The following ADGRF5 variants were observed in gnomAD, a reference collection of about 807,000 sequenced individuals.
ADGRF5 encodes adhesion G protein-coupled receptor F5.
A neutral mutation model predicts 132.3 loss-of-function variants in ADGRF5; 75 were observed. That is an observed-to-expected ratio of 0.57 (90% CI 0.47 to 0.69). ADGRF5 has a LOEUF of 0.69. Ranked by LOEUF, ADGRF5 falls within the 30% of genes least tolerant of loss-of-function variation. ADGRF5 has a pLI of 0.00. For missense variants in ADGRF5, 1,516 were observed against 1,630.6 expected (o/e 0.93, Z 1.21); for synonymous variants, 629 against 597.6 (o/e 1.05, Z -0.77).
chr6:46,856,312 C>A (rs1453449488), intron 19 of ADGRF5, among the ~76,000 whole-genome samples: 1 of 152,188 alleles, frequency 6.6e-6, no homozygotes, highest in Admixed American at 6.5e-5. Context: ...TATCCAAGGG[C>A]AATAGTTGTG....
intron 10 of ADGRF5, among the ~76,000 whole-genome samples, chr6:46,873,679 A>G (rs1771337394): frequency 6.6e-6 from 1 of 151,878 alleles, no homozygotes; most frequent in Non-Finnish European, 1.5e-5. Flanking sequence ...CTCCCACTCT[A>G]TTTCTAAGAG....
chr6:46,858,840 GC>G lies in ADGRF5; in HGVS notation c.3062del (p.Gly1021AlafsTer5), dbSNP rs778848305. 20 of 1,613,968 alleles carry G rather than the reference GC, an allele frequency of 1.2e-5. No homozygotes were observed. Among genetic ancestry groups the G allele is most frequent in the Non-Finnish European group, 1.4e-5 (17 of 1,179,946 alleles). On this transcript the variant is annotated frameshift_variant, in exon 17 of 21. Coordinates refer to ENST00000283296, the MANE Select transcript of ADGRF5 (RefSeq NM_001098518.2). LOFTEE classifies it high-confidence loss of function. Reference sequence around the variant, plus strand: ...AGGCTGCCAAGCTCAAGATGGAAAAGCCCACCCCAACATAAGAAATAATATC... The same window carrying G: ...AGGCTGCCAAGCTCAAGATGGAAAAGCCACCCCAACATAAGAAATAATATC... ...LLDIISYVGVGFSILSLAACL... is the reference protein window; with the variant it reads ...LLDIISYVGVXFSILSLAACL...
At position 46,906,786 on chromosome 6, in the gene ADGRF5, C is replaced by A; in HGVS notation, c.-24G>T. ...ATGTCTTCAAGTTTGAGTTGGTTGGCCTGAAATGGAAATATGATGGTTTAG... is the reference window on the plus strand; with the variant it reads ...ATGTCTTCAAGTTTGAGTTGGTTGGACTGAAATGGAAATATGATGGTTTAG... On this transcript the variant is annotated splice_region_variant and 5_prime_UTR_variant, in exon 2 of 21. Transcript: ENST00000283296. 1 of 1,243,906 alleles carries A rather than the reference C, an allele frequency of 8.0e-7. No homozygotes were observed. The allele number at this position is 1,243,906 out of a possible 1,614,324, so 77.1% of individuals were successfully genotyped here. A position where few individuals can be genotyped will look rare whatever the true frequency, so the allele number is the denominator to read the frequency against.
intron 3 of ADGRF5, among the ~76,000 whole-genome samples, chr6:46,891,203 A>G (rs1333400165): frequency 6.6e-6 from 1 of 152,122 alleles, no homozygotes; most frequent in Non-Finnish European, 1.5e-5. Context: ...GCGGAAACTC[A>G]GCCTGTGATG....
intron 3 of ADGRF5, among the ~76,000 whole-genome samples, chr6:46,899,713 T>C (rs1466883412): frequency 2.0e-5 from 3 of 151,594 alleles, no homozygotes; most frequent in Non-Finnish European, 2.9e-5. Flanking sequence ...GGCTTCTGGA[T>C]GGTGGGCAGA....
chr6:46,944,252 G>A (rs181848080), intron 1 of ADGRF5, among the ~76,000 whole-genome samples: 56 of 152,214 alleles, frequency 3.7e-4, no homozygotes, highest in African/African-American at 1.3e-3. Flanking sequence ...TAGATCCTTC[G>A]CATGCACAGT....
chr6:46,856,876 C>A lies in ADGRF5; in HGVS notation c.3807G>T (p.Trp1269Cys). The A allele has an allele frequency of 6.2e-7, 1 of 1,610,114 alleles. No homozygotes were observed. The highest frequency in any genetic ancestry group is 1.7e-5 in the Admixed American group (1 of 60,002). The change falls in exon 18 of 21, where the codon TGG (tryptophan) becomes TGT (cysteine). Residue 1269 changes from tryptophan to cysteine, a missense_variant. Transcript: ENST00000283296. ...CTGTCATTGCTCTTACCTTCAGATC[C>A]CAGAGGCATCCAAAGAGTAAAATGA... ...GLFILLFGCL[W>C]DLKVQEALLN...
chr6:46,946,613 G>T (rs1430641435), intron 1 of ADGRF5, among the ~76,000 whole-genome samples: 1 of 152,186 alleles, frequency 6.6e-6, no homozygotes, highest in African/African-American at 2.4e-5. Context: ...GGTGAGCCTA[G>T]TGAGGCTATG....
intron 1 of ADGRF5, among the ~76,000 whole-genome samples, chr6:46,909,243 A>G (rs1775693359): frequency 6.6e-6 from 1 of 152,202 alleles, no homozygotes; most frequent in African/African-American, 2.4e-5. Context: ...TATTTCTTCT[A>G]AAATTCCTGG....
At chr6:46,937,935 A>C (rs1156785963) in intron 1 of ADGRF5, among the ~76,000 whole-genome samples, 2 of 152,128 alleles carry the variant, frequency 1.3e-5, no homozygotes, top group Non-Finnish European at 2.9e-5. Context: ...AAAACTTATA[A>C]ATTTTTTTTC....
At chr6:46,949,174 A>G (rs1043860980) in intron 1 of ADGRF5, among the ~76,000 whole-genome samples, 2 of 152,228 alleles carry the variant, frequency 1.3e-5, no homozygotes, top group South Asian at 2.1e-4. Context: ...GTCTGAAAAC[A>G]TATAGCATTT....
chr6:46,880,103 C>T (rs1772284736), intron 8 of ADGRF5, 64 bp from the exon 9 acceptor site: 2 of 1,067,396 alleles, frequency 1.9e-6, no homozygotes, highest in Admixed American at 1.8e-5. Flanking sequence ...TGCTACTCAC[C>T]ACACACAACC....
At chr6:46,904,072 G>A (rs1366594606) in intron 2 of ADGRF5, among the ~76,000 whole-genome samples, 1 of 152,132 alleles carries the variant, frequency 6.6e-6, no homozygotes, top group African/African-American at 2.4e-5. Flanking sequence ...ATGGTCACTG[G>A]AGCAGGATCC....
At chr6:46,906,546 T>A (rs1775390006) in intron 2 of ADGRF5, 115 bp downstream of exon 2, 1 of 672,030 alleles carries the variant, frequency 1.5e-6, no homozygotes, top group Non-Finnish European at 2.7e-6. Flanking sequence ...ATGGGAAGAA[T>A]GTTTTTTCTC....
chr6:46,864,830 A>AT (rs952118294), intron 14 of ADGRF5, among the ~76,000 whole-genome samples: 1 of 151,992 alleles, frequency 6.6e-6, no homozygotes, highest in Non-Finnish European at 1.5e-5. Flanking sequence ...GGCCAATAAC[A>AT]TTTTTTTATC....
At position 46,890,262 on chromosome 6, in the gene ADGRF5, T is replaced by G. The variant is rs78834037; in HGVS notation, c.158-1757A>C. Among the ~76,000 whole-genome samples, 1,086 of 151,972 alleles carry G rather than the reference T, an allele frequency of 7.1e-3. 10 individuals carry two copies. The highest frequency in any genetic ancestry group is 0.025 in the African/African-American group (1,032 of 41,478). On this transcript the variant is annotated intron_variant, in intron 3 of 20. Coordinates refer to ENST00000283296, the MANE Select transcript of ADGRF5 (RefSeq NM_001098518.2). The stretch of plus-strand genomic sequence containing the variant: ...CTCATACCATCACGGCCAGCTAATT[T>G]CTGTACTTTTTGTACAGATGGGGTT...
At chr6:46,871,746 T>C in intron 11 of ADGRF5, 97 bp downstream of exon 11, 1 of 790,162 alleles carries the variant, frequency 1.3e-6, no homozygotes, top group Non-Finnish European at 2.0e-6. Context: ...CTGTCCATTA[T>C]TTTGCTCATA....
At chr6:46,907,204 A>G (rs1484405064) in intron 1 of ADGRF5, among the ~76,000 whole-genome samples, 1 of 152,158 alleles carries the variant, frequency 6.6e-6, no homozygotes, top group African/African-American at 2.4e-5. Context: ...GGACATCATG[A>G]CCCATATTAA....
intron 1 of ADGRF5, among the ~76,000 whole-genome samples, chr6:46,913,873 C>A (rs1776200945): frequency 6.6e-6 from 1 of 152,152 alleles, no homozygotes; most frequent in South Asian, 2.1e-4. Flanking sequence ...GGAAATCATA[C>A]CTCTTACTAA....
Sources: gnomAD v4.1 joint callset for allele counts (sites outside exome capture counted in the v4.1 genomes callset) on GRCh38, gnomAD v4.1.1 for gene constraint, MANE v1.5 for transcripts, NCBI Gene and HGNC (gene_info 2026-07-23, HGNC 2026-07-21) for gene names.